BABAM1: variants seen among roughly 807,000 people sequenced by gnomAD.
BABAM1 encodes BRISC and BRCA1-A complex member 1.
BABAM1 carries 14 observed loss-of-function variants against 34.4 expected under a neutral mutation model. The observed-to-expected ratio is 0.41, with a 90% confidence interval of 0.27 to 0.64. The LOEUF is 0.64. Ranked by LOEUF, BABAM1 falls within the 30% of genes least tolerant of loss-of-function variation. The probability of loss-of-function intolerance (pLI) is 0.34; values close to 1 mark genes in which losing one functional copy is unlikely to be tolerated. For synonymous variants in BABAM1, 169 were observed against 165.8 expected, an observed-to-expected ratio of 1.02 and a Z score of -0.15; for missense variants, 393 against 434.0, an observed-to-expected ratio of 0.91 and a Z score of 0.84.
chr19:17,272,440 C>G (rs1016915858), intron 3 of BABAM1, among the ~76,000 whole-genome samples: 2 of 150,780 alleles, frequency 1.3e-5, no homozygotes, highest in Admixed American at 6.6e-5. Context: ...GAGTCTCGCT[C>G]TGTCGCCCAA....
chr19:17,269,073 C>T lies in BABAM1; in HGVS notation c.267C>T (p.Val89=). ...AGGTCCAAATTCGGACACCAAGGGT[C>T]AACTGTCCAGAGAAAGTGGTAAGTA... ...APEVQIRTPR[V]NCPEKVIICL... The change falls in exon 2 of 9, where the codon GTC becomes GTT. Residue 89 remains valine (V), a synonymous_variant. Transcript: ENST00000598188. 3.1e-6 allele frequency: 5 copies of T among 1,607,214 alleles called. No homozygotes were observed. Among genetic ancestry groups the T allele is most frequent in the Non-Finnish European group, 4.2e-6 (5 of 1,177,190 alleles).
chr19:17,274,739 A>G (rs2145620738), intron 5 of BABAM1, among the ~76,000 whole-genome samples: 1 of 152,302 alleles, frequency 6.6e-6, no homozygotes, highest in Middle Eastern at 3.4e-3. Context: ...TGGGCGCAGG[A>G]CATTTTATGG....
intron 6 of BABAM1, 113 bp downstream of exon 6, chr19:17,275,938 C>T: frequency 8.3e-7 from 1 of 1,203,028 alleles, no homozygotes; most frequent in Non-Finnish European, 1.2e-6. Context: ...CTCCTCCCTT[C>T]CTACCTCGCC....
chr19:17,275,629 T>G, intron 5 of BABAM1, 172 bp from the exon 6 acceptor site: 1 of 733,404 alleles, frequency 1.4e-6, no homozygotes, highest in Non-Finnish European at 2.3e-6. Flanking sequence ...AGCATCCTAT[T>G]TTGTGATCCA....
rs2073869101 is a variant in BABAM1, at chr19:17,273,559, GTTTTGTTTT to G, written c.345-340_345-332del. On this transcript the variant is annotated intron_variant, in intron 3 of 8. Transcript: ENST00000598188. ...GGCTGAAGGAAGTTTTTTTTTGTTT[GTTTTGTTTT>G]TTTTTTTTTTTTTGAGACAGAGTCT... Among the ~76,000 whole-genome samples the G allele has an allele frequency of 1.6e-4, 4 of 24,614 alleles. 1 individual carries two copies. The highest frequency in any genetic ancestry group is 1.7e-4 in the Non-Finnish European group (2 of 11,762). The allele number at this position is 24,614 out of a possible 152,430, so 16.1% of individuals were successfully genotyped here.
At position 17,276,768 on chromosome 19, in the gene BABAM1, T is replaced by G. The variant is rs756733950; in HGVS notation, c.700-55T>G. Reference sequence around the variant, plus strand: ...GGCAGAAATGGGGGAGCTATAGTCATGGGGCACGGGGTGACCCAAGCCCCA... The same window carrying G: ...GGCAGAAATGGGGGAGCTATAGTCAGGGGGCACGGGGTGACCCAAGCCCCA... On this transcript the variant is annotated intron_variant, in intron 7 of 8. Transcript: ENST00000598188. 1.9e-6 allele frequency: 3 copies of G among 1,564,958 alleles called. No homozygotes were observed. The Admixed American group carries it at 5.7e-5, about 30-fold the overall frequency.
At chr19:17,268,375 G>A (rs1004982250) in intron 1 of BABAM1, among the ~76,000 whole-genome samples, 2 of 151,652 alleles carry the variant, frequency 1.3e-5, no homozygotes, top group Admixed American at 6.6e-5. Flanking sequence ...TAAGAGGAGT[G>A]ACTCATCATC....
chr19:17,272,615 C>T (rs2073854927), intron 3 of BABAM1, among the ~76,000 whole-genome samples: 2 of 151,432 alleles, frequency 1.3e-5, no homozygotes, highest in African/African-American at 2.4e-5. Flanking sequence ...CCGTGTTAGC[C>T]AGGATGGTCT....
Position 17,274,198 on chromosome 19 carries a change from G to A in BABAM1, c.544+13G>A. The A allele has an allele frequency of 9.9e-6, 16 of 1,611,552 alleles. No individual in the cohort carries two copies. The highest frequency in any genetic ancestry group is 1.3e-5 in the Non-Finnish European group (15 of 1,179,448). On this transcript the variant is annotated intron_variant, in intron 5 of 8. Coordinates refer to ENST00000598188, the MANE Select transcript of BABAM1 (RefSeq NM_014173.4). ...TGTTCCACCTTCAGTATCCTTCCTG[G>A]CAGAGATGTCCCCATGAAGGGGGCT...
In BABAM1 at chr19:17,268,788, A is replaced by T. The variant is rs577887053; in HGVS notation, c.-13-6A>T. On this transcript the variant is annotated splice_polypyrimidine_tract_variant and splice_region_variant and intron_variant, in intron 1 of 8. Transcript: ENST00000598188. ...TTCTGGCTTCCCCTGTCCGTGTTCCATCTAGCCACACAGGAGCCATGGAAG... is the reference window on the plus strand; with the variant it reads ...TTCTGGCTTCCCCTGTCCGTGTTCCTTCTAGCCACACAGGAGCCATGGAAG... 4.4e-6 allele frequency: 7 copies of T among 1,584,424 alleles called. No homozygotes were observed. The South Asian group carries it at 6.8e-5, about 15-fold the overall frequency.
chr19:17,277,417 G>GCCTTGAACTCCTGA (rs2073923629), intron 8 of BABAM1: 1 of 155,506 alleles, frequency 6.4e-6, no homozygotes, highest in Admixed American at 6.3e-5. Flanking sequence ...GGCCAGACTG[G>GCCTTGAACTCCTGA]TCTTGAACTC....
chr19:17,272,693 A>G (rs1599493759), intron 3 of BABAM1, among the ~76,000 whole-genome samples: 1 of 150,600 alleles, frequency 6.6e-6, no homozygotes, highest in East Asian at 2.1e-4. Context: ...GGTGTGAGCC[A>G]CCGCGCCCAG....
intron 5 of BABAM1, among the ~76,000 whole-genome samples, chr19:17,274,894 A>C (rs2073890536): frequency 6.6e-6 from 1 of 152,148 alleles, no homozygotes; most frequent in Non-Finnish European, 1.5e-5. Flanking sequence ...GAGTGGCCCC[A>C]GCCATGCAGG....
chr19:17,273,555 G>GTTTGT (rs1491522964), intron 3 of BABAM1, among the ~76,000 whole-genome samples: 122 of 13,182 alleles, frequency 9.3e-3, no homozygotes, highest in African/African-American at 0.035. Flanking sequence ...GTTTTTTTTT[G>GTTTGT]TTTGTTTTGT....
chr19:17,274,570 TTA>T (rs899522151), intron 5 of BABAM1: 441 of 170,580 alleles, frequency 2.6e-3, no homozygotes, highest in Middle Eastern at 7.5e-3. Context: ...TCCGTCTTTT[TTA>T]AAAAAAAAAA....
Position 17,274,195 on chromosome 19 carries a change from C to G in BABAM1, c.544+10C>G, listed in dbSNP as rs370794649. 1 of 1,612,010 alleles carries G rather than the reference C, an allele frequency of 6.2e-7. No individual in the cohort carries two copies. On this transcript the variant is annotated intron_variant, in intron 5 of 8. Transcript: ENST00000598188. ...TCCTGTTCCACCTTCAGTATCCTTC[C>G]TGGCAGAGATGTCCCCATGAAGGGG...
At position 17,268,824 on chromosome 19, in the gene BABAM1, C is replaced by T. The variant is rs773937453; in HGVS notation, c.18C>T (p.Pro6=). 1 of 1,607,606 alleles carries T rather than the reference C, an allele frequency of 6.2e-7. No individual in the cohort carries two copies. The highest frequency in any genetic ancestry group is 8.5e-7 in the Non-Finnish European group (1 of 1,176,246). The change falls in exon 2 of 9, where the codon CCC becomes CCT. Residue 6 remains proline (P), a synonymous_variant. Transcript: ENST00000598188. MEVAE[P]SSPTEEEEEE... is the part of the protein sequence containing the mutation. ...CAGGAGCCATGGAAGTGGCAGAGCC[C>T]AGCAGCCCCACTGAAGAGGAGGAGG... is the stretch of plus-strand genomic sequence containing the variant.
At chr19:17,275,283 C>G (rs1599497804) in intron 5 of BABAM1, among the ~76,000 whole-genome samples, 1 of 145,448 alleles carries the variant, frequency 6.9e-6, no homozygotes, top group African/African-American at 2.4e-5. Context: ...CCCTGTGGAT[C>G]TTATTTATTA....
Position 17,279,136 on chromosome 19 carries a change from G to A in BABAM1, c.*88G>A. Reference sequence around the variant, plus strand: ...CAAACTGGGTTCCTTGGGACCTCCGGGGTGGGGGGGTTCCAGGAGGCACGT... The same window carrying A: ...CAAACTGGGTTCCTTGGGACCTCCGAGGTGGGGGGGTTCCAGGAGGCACGT... On this transcript the variant is annotated 3_prime_UTR_variant, in exon 9 of 9. Transcript: ENST00000598188. 1 of 1,404,892 alleles carries A rather than the reference G, an allele frequency of 7.1e-7. No homozygotes were observed. The highest frequency in any genetic ancestry group is 1.4e-5 in the African/African-American group (1 of 70,216). The allele number at this position is 1,404,892 out of a possible 1,614,324, so 87.0% of individuals were successfully genotyped here. A position where few individuals can be genotyped will look rare whatever the true frequency, so the allele number is the denominator to read the frequency against.
Sources: allele counts gnomAD v4.1 joint callset (sites outside exome capture counted in the v4.1 genomes callset), GRCh38; gene constraint gnomAD v4.1.1; transcripts MANE v1.5; gene names NCBI Gene and HGNC (gene_info 2026-07-23, HGNC 2026-07-21).